Variants in MRPL39 observed in about 807,000 individuals in gnomAD.
MRPL39 encodes mitochondrial ribosomal protein L39.
MRPL39 carries 35 observed loss-of-function variants against 44.5 expected under a neutral mutation model. The observed-to-expected ratio is 0.79, with a 90% CI of 0.60 to 1.04. The LOEUF is 1.04. Among genes scored for constraint, MRPL39 ranks in the 50% least tolerant of loss-of-function variants. MRPL39 has a pLI of 0.00. For synonymous variants in MRPL39, 139 were observed against 136.1 expected (o/e 1.02, Z -0.15); for missense variants, 433 against 413.5 (o/e 1.05, Z -0.41).
intron 8 of MRPL39, among the ~76,000 whole-genome samples, chr21:25,589,348 C>T (rs930617475): frequency 1.3e-5 from 2 of 152,070 alleles, no homozygotes; most frequent in African/African-American, 4.8e-5. Context: ...CATCTTCACA[C>T]TGAAATGGCA....
At chr21:25,600,061 C>T (rs973971794) in intron 4 of MRPL39, among the ~76,000 whole-genome samples, 195 bp from the exon 5 acceptor site, 1 of 152,154 alleles carries the variant, frequency 6.6e-6, no homozygotes, top group Non-Finnish European at 1.5e-5. Context: ...AGATTGTCAA[C>T]CCCAAATCAC....
intron 2 of MRPL39, among the ~76,000 whole-genome samples, chr21:25,605,533 G>A (rs7354759): frequency 0.13 from 19,304 of 152,000 alleles, 1,615 homozygotes; most frequent in South Asian, 0.32. Flanking sequence ...GAAAAAGGCG[G>A]CAAAAAAAAG....
rs1376719072 is a variant in MRPL39 at position 25,607,402 on chromosome 21, C to T, written c.73+1G>A. The T allele has an allele frequency of 2.1e-5, 34 of 1,613,736 alleles. No individual in the cohort carries two copies. The highest frequency in any genetic ancestry group is 2.9e-5 in the Non-Finnish European group (34 of 1,179,986). On this transcript the variant is annotated splice_donor_variant, in intron 1 of 9. Coordinates refer to ENST00000352957, the MANE Select transcript of MRPL39 (RefSeq NM_017446.4). LOFTEE classifies it high-confidence loss of function. The stretch of plus-strand genomic sequence containing the variant: ...CTGTCCCTACGGCCTCTGAAACTCA[C>T]TCCATTTGATCCCGCCACCGGGTGC...
intron 5 of MRPL39, among the ~76,000 whole-genome samples, chr21:25,599,214 G>A (rs1182224002): frequency 2.0e-5 from 3 of 152,248 alleles, no homozygotes; most frequent in Admixed American, 2.0e-4. Flanking sequence ...CATTACAAAG[G>A]CAAACCATTC....
chr21:25,589,101 G>A (rs968088247), intron 8 of MRPL39, among the ~76,000 whole-genome samples: 11 of 152,194 alleles, frequency 7.2e-5, no homozygotes, highest in Non-Finnish European at 1.2e-4. Flanking sequence ...GGGAGGCAGA[G>A]GTTGCAGTGA....
At position 25,606,449 on chromosome 21, in the gene MRPL39, G is replaced by C; in HGVS notation, c.280C>G (p.His94Asp). The part of the protein sequence containing the change: ...NISTPYSCAM[H>D]LSEWYCRKSI... ...ACTGTAACCTGATTCTGCTACTTAC[G>C]CATGGCACAACTGTAGGGAGTTGAA... Residue 94 changes from histidine to aspartate, a missense_variant and splice_region_variant, in exon 2 of 10, where the codon CAT (histidine) becomes GAT (aspartate). His to Asp is a moderately conservative substitution (Grantham distance 81). Transcript: ENST00000352957. The C allele has an allele frequency of 6.3e-7, 1 of 1,591,528 alleles. No homozygotes were observed. Among genetic ancestry groups the C allele is most frequent in the Non-Finnish European group, 8.6e-7 (1 of 1,168,038 alleles).
At chr21:25,590,718 C>G (rs2031148521) in intron 8 of MRPL39, among the ~76,000 whole-genome samples, 1 of 152,214 alleles carries the variant, frequency 6.6e-6, no homozygotes, top group Non-Finnish European at 1.5e-5. Flanking sequence ...AACTGCTATA[C>G]AGGTCTAATG....
Position 25,607,434 on chromosome 21 carries a change from C to T in MRPL39, c.42G>A (p.Trp14Ter), listed in dbSNP as rs2031721491. The stretch of plus-strand genomic sequence containing the variant: ...TGATCCCGCCACCGGGTGCGACCAG[C>T]CAGAGCCGCAGCGCCCGGGAACCCA... ...LAMGSRALRL[W>*]LVAPGGGIKW... Residue 14 changes from tryptophan (W) to a stop codon, truncating the protein, a stop_gained, in exon 1 of 10, where the codon TGG (tryptophan) becomes TGA (stop). Coordinates refer to ENST00000352957, the MANE Select transcript of MRPL39 (RefSeq NM_017446.4). LOFTEE classifies it high-confidence loss of function. 1.9e-6 allele frequency: 3 copies of T among 1,613,400 alleles called. No individual in the cohort carries two copies. Among genetic ancestry groups the T allele is most frequent in the Non-Finnish European group, 2.5e-6 (3 of 1,179,986 alleles).
chr21:25,588,996 AT>A, intron 8 of MRPL39, 114 bp from the exon 9 acceptor site: 1 of 889,632 alleles, frequency 1.1e-6, no homozygotes, highest in Non-Finnish European at 1.7e-6. Flanking sequence ...GGCAGTACTA[AT>A]TTAGATAAGT....
At position 25,601,429 on chromosome 21, in the gene MRPL39, C is replaced by T; in HGVS notation, c.459G>A (p.Val153=). 1.2e-6 allele frequency: 2 copies of T among 1,609,948 alleles called. No homozygotes were observed. The highest frequency in any genetic ancestry group is 4.5e-5 in the East Asian group (2 of 44,678). The part of the protein sequence containing the change: ...WRSCAMMMGC[V]IERAFKDEYM... ...ATTCATCTTTGAATGCCCTCTCTAT[C>T]ACACAGCCCATCATCATAGCACAGG... Residue 153 remains valine (V), a synonymous_variant, in exon 4 of 10, where the codon GTG becomes GTA. Transcript: ENST00000352957.
chr21:25,588,774 T>C lies in MRPL39; in HGVS notation c.969+61A>G, dbSNP rs2829807. On this transcript the variant is annotated intron_variant, in intron 9 of 9. Transcript: ENST00000352957. ...TCATTTTTCCCCCCTTTGGTTGTTA[T>C]TGGTTAATTTTGATGAATTTCTTTA... 0.69 allele frequency: 992,289 copies of C among 1,434,340 alleles called. 357,577 individuals carry two copies. The highest frequency in any genetic ancestry group is 0.75 in the Non-Finnish European group (780,535 of 1,038,458). 88.9% of individuals were successfully genotyped at this position (1,434,340 alleles called of 1,614,324 possible). A position where few individuals can be genotyped will look rare whatever the true frequency, so the allele number is the denominator to read the frequency against.
intron 2 of MRPL39, among the ~76,000 whole-genome samples, chr21:25,605,210 G>C (rs2031627858): frequency 6.6e-6 from 1 of 152,322 alleles, no homozygotes; most frequent in Admixed American, 6.5e-5. Context: ...AGTCATGCCT[G>C]TATCTGTTTT....
At position 25,607,404 on chromosome 21, in the gene MRPL39, C is replaced by G. The variant is rs1196761403; in HGVS notation, c.72G>C (p.Trp24Cys). Residue 24 changes from tryptophan to cysteine, a missense_variant and splice_region_variant, in exon 1 of 10, where the codon TGG (tryptophan) becomes TGC (cysteine). By Grantham distance (215) the Trp-to-Cys change is radical. Transcript: ENST00000352957. ...GTCCCTACGGCCTCTGAAACTCACTCCATTTGATCCCGCCACCGGGTGCGA... is the reference window on the plus strand; with the variant it reads ...GTCCCTACGGCCTCTGAAACTCACTGCATTTGATCCCGCCACCGGGTGCGA... ...WLVAPGGGIK[W>C]RFIATSSASQ... 1.2e-6 allele frequency: 2 copies of G among 1,613,816 alleles called. No individual in the cohort carries two copies. The highest frequency in any genetic ancestry group is 2.7e-5 in the African/African-American group (2 of 75,070).
At chr21:25,605,062 T>C (rs1231004451) in intron 2 of MRPL39, among the ~76,000 whole-genome samples, 1 of 152,182 alleles carries the variant, frequency 6.6e-6, no homozygotes, top group Non-Finnish European at 1.5e-5. Flanking sequence ...TATTTATAAG[T>C]ACTAATTCAA....
At chr21:25,605,862 G>A (rs929023649) in intron 2 of MRPL39, among the ~76,000 whole-genome samples, 3 of 152,036 alleles carry the variant, frequency 2.0e-5, no homozygotes, top group South Asian at 2.1e-4. Context: ...CTGGGAGCAG[G>A]GCCAGACCCT....
intron 5 of MRPL39, among the ~76,000 whole-genome samples, chr21:25,599,055 G>A (rs570719423): frequency 2.6e-5 from 4 of 152,172 alleles, no homozygotes; most frequent in African/African-American, 7.2e-5. Flanking sequence ...TTAAGAATTA[G>A]GTATTTGCCT....
rs761373912 is a variant in MRPL39, at chr21:25,601,452, A to T, written c.436T>A (p.Cys146Ser). The change falls in exon 4 of 10, where the codon TGT (cysteine) becomes AGT (serine). Residue 146 changes from cysteine (C) to serine (S), a missense_variant. Transcript: ENST00000352957. ...ATCACACAGCCCATCATCATAGCAC[A>T]GGAACGCCAATATGCCTAGAAAAAA... ...GEVNKAYWRS[C>S]AMMMGCVIER... 7 of 1,589,286 alleles carry T rather than the reference A, an allele frequency of 4.4e-6. No individual in the cohort carries two copies. The East Asian group carries it at 1.6e-4, about 36-fold the overall frequency.
At chr21:25,599,603 A>C (rs900136814) in intron 5 of MRPL39, among the ~76,000 whole-genome samples, 196 bp downstream of exon 5, 1 of 152,152 alleles carries the variant, frequency 6.6e-6, no homozygotes, top group Non-Finnish European at 1.5e-5. Flanking sequence ...CCTCTGTCTT[A>C]AATAGGCTGA....
chr21:25,603,986 T>TAC, intron 2 of MRPL39, 51 bp from the exon 3 acceptor site: 1 of 1,544,664 alleles, frequency 6.5e-7, no homozygotes, highest in Non-Finnish European at 8.8e-7. Flanking sequence ...AGTGAAAAGT[T>TAC]ACATGTTTAA....
Sources: gnomAD v4.1 joint callset for allele counts (sites outside exome capture counted in the v4.1 genomes callset) on GRCh38, gnomAD v4.1.1 for gene constraint, MANE v1.5 for transcripts, NCBI Gene and HGNC (gene_info 2026-07-23, HGNC 2026-07-21) for gene names.